The following NCOR2 variants were observed in gnomAD, a reference collection of about 807,000 sequenced individuals.
NCOR2 encodes nuclear receptor corepressor 2, also known as CTG repeat protein 26.
NCOR2 carries 81 observed loss-of-function variants against 262.9 expected under a neutral mutation model. The observed-to-expected ratio is 0.31, with a 90% CI of 0.26 to 0.37. The LOEUF is 0.37. NCOR2 is among the 10% of genes least tolerant of loss of function. The pLI is 1.00. For missense variants in NCOR2, 3,385 were observed against 3,621.4 expected (o/e 0.93, Z 1.68); for synonymous variants, 1,659 against 1,559.3 (o/e 1.06, Z -1.51).
chr12:124,413,598 G>A (rs1307171467), intron 13 of NCOR2, among the ~76,000 whole-genome samples: 4 of 152,208 alleles, frequency 2.6e-5, no homozygotes, highest in South Asian at 2.1e-4. Context: ...CTGGAGCCAC[G>A]GGCACCGCGC....
intron 13 of NCOR2, among the ~76,000 whole-genome samples, chr12:124,417,630 C>T (rs972799733): frequency 2.0e-5 from 3 of 151,834 alleles, no homozygotes; most frequent in African/African-American, 4.9e-5. Flanking sequence ...CTCTTGAGGC[C>T]GTTAGCCACC....
chr12:124,369,154 A>T (rs73223595), intron 20 of NCOR2, among the ~76,000 whole-genome samples: 20,286 of 152,174 alleles, frequency 0.13, 1,531 homozygotes, highest in African/African-American at 0.18. Context: ...GGGACTCCCA[A>T]GGCCAGGCCC....
rs373202860 is a variant in NCOR2, at chr12:124,335,188, C to A, written c.6358G>T (p.Ala2120Ser). The A allele has an allele frequency of 6.8e-6, 11 of 1,611,396 alleles. No homozygotes were observed. The highest frequency in any genetic ancestry group is 6.7e-5 in the Admixed American group (4 of 59,986). The change falls in exon 40 of 47, where the codon GCC (alanine) becomes TCC (serine). Residue 2120 changes from alanine (A) to serine (S), a missense_variant. Ala to Ser is a moderately conservative substitution (Grantham distance 99). This residue lies in a region of NCOR2 where 1,017 missense variants were observed against 967.2 expected (regional missense o/e 1.05). Transcript: ENST00000405201. ...CGCTGGTGACCTTTGACCCCTGGGG[C>A]GGTCTGGAGCAGCGGGCTGGACGAG...
At chr12:124,387,980 A>G (rs1416767059) in intron 16 of NCOR2, among the ~76,000 whole-genome samples, 1 of 151,820 alleles carries the variant, frequency 6.6e-6, no homozygotes, top group African/African-American at 2.4e-5. Flanking sequence ...AACTCAGTCA[A>G]TAAATAAGGA....
At position 124,337,029 on chromosome 12, in the gene NCOR2, G is replaced by A. The variant is rs369817436; in HGVS notation, c.5839C>T (p.Arg1947Trp). 1.2e-4 allele frequency: 178 copies of A among 1,502,734 alleles called. No homozygotes were observed. The highest frequency in any genetic ancestry group is 3.0e-4 in the Admixed American group (13 of 42,908). 93.1% of individuals were successfully genotyped at this position (1,502,734 alleles called of 1,614,324 possible). A position where few individuals can be genotyped will look rare whatever the true frequency, so the allele number is the denominator to read the frequency against. ...GCATGGCCGGTGTCTGCTCGGGGCC[G>A]CTCTGGCCGGGCGACCCGGGGGGCC... Residue 1947 changes from arginine (R) to tryptophan (W), a missense_variant, in exon 38 of 47, where the codon CGG becomes TGG. Coordinates refer to ENST00000405201, the Ensembl canonical transcript of NCOR2.
At chr12:124,545,789 C>CAGGGTG (rs796413093) in intron 1 of NCOR2, among the ~76,000 whole-genome samples, 29 of 148,768 alleles carry the variant, frequency 1.9e-4, no homozygotes, top group African/African-American at 7.0e-4. Context: ...CTTCTGTGGT[C>CAGGGTG]AGGGTGAGGG....
intron 41 of NCOR2, 103 bp downstream of exon 43, chr12:124,334,321 C>A (rs1207327043): frequency 3.8e-6 from 3 of 785,740 alleles, no homozygotes; most frequent in Non-Finnish European, 5.9e-6. Flanking sequence ...TGGCACCAGG[C>A]GGGCCTCATA....
intron 4 of NCOR2, 54 bp downstream of exon 6, chr12:124,472,898 C>T: frequency 1.9e-6 from 3 of 1,605,222 alleles, no homozygotes; most frequent in South Asian, 1.1e-5. Context: ...GCTGTCACTG[C>T]TGCTAGAATG....
intron 1 of NCOR2, among the ~76,000 whole-genome samples, chr12:124,518,827 C>A (rs1215567655): frequency 6.6e-6 from 1 of 152,184 alleles, no homozygotes; most frequent in Non-Finnish European, 1.5e-5. Flanking sequence ...CCGGACTGTC[C>A]AGCTTCGAGC....
chr12:124,332,191 G>A, intron 43 of NCOR2, 128 bp downstream of exon 45: 2 of 1,192,890 alleles, frequency 1.7e-6, no homozygotes, highest in East Asian at 4.9e-5. Context: ...GGGGGAGGTG[G>A]TCAGCAGGGC....
Position 124,502,481 on chromosome 12 carries a change from G to GCGTT in NCOR2, c.-117-7114_-117-7113insAACG, listed in dbSNP as rs565519359. On this transcript the variant is annotated intron_variant, in intron 1 of 46. Transcript: ENST00000404621. The stretch of plus-strand genomic sequence containing the variant: ...ATTTTGAAAGTGGGCAGTCAGGGGT[G>GCGTT]CGTCACCAGAGGTGCCTTTTATGCA... Among the ~76,000 whole-genome samples the GCGTT allele has an allele frequency of 1.4e-3, 210 of 152,322 alleles. 1 individual carries two copies. The highest frequency in any genetic ancestry group is 4.9e-3 in the African/African-American group (202 of 41,562).
chr12:124,348,005 C>T, intron 29 of NCOR2, 94 bp from the exon 32 acceptor site: 12 of 1,463,536 alleles, frequency 8.2e-6, no homozygotes, highest in Non-Finnish European at 9.3e-6. Context: ...CAGTGGTCAT[C>T]CCCACGATGA....
intron 1 of NCOR2, among the ~76,000 whole-genome samples, chr12:124,521,488 G>T (rs530927998): frequency 3.6e-4 from 55 of 152,330 alleles, no homozygotes; most frequent in Middle Eastern, 3.4e-3. Context: ...CAAACACATT[G>T]TGCGGAGTGA....
At chr12:124,496,339 C>G (rs1057151871), upstream of NCOR2, among the ~76,000 whole-genome samples, 1 of 152,010 alleles carries the variant, frequency 6.6e-6, no homozygotes, top group East Asian at 1.9e-4. This position sits in a 1 kb window ranked among gnomAD's most constrained non-coding sequence, Gnocchi z 4.4. Flanking sequence ...TCCACACTCT[C>G]CCTGAACCAG....
At chr12:124,405,412 T>C (rs2042223603) in intron 13 of NCOR2, among the ~76,000 whole-genome samples, 1 of 152,186 alleles carries the variant, frequency 6.6e-6, no homozygotes, top group African/African-American at 2.4e-5. Flanking sequence ...CAACACCCAC[T>C]AGCACAGCAC....
Position 124,504,889 on chromosome 12 carries a change from T to C in NCOR2, c.-117-9521A>G, listed in dbSNP as rs2048961062. 1.3e-5 allele frequency among the ~76,000 whole-genome samples: 2 copies of C among 151,154 alleles called. No homozygotes were observed. The highest frequency in any genetic ancestry group is 2.9e-5 in the Non-Finnish European group (2 of 67,842). On this transcript the variant is annotated intron_variant, in intron 1 of 46. Coordinates refer to the NCOR2 transcript ENST00000404621. The surrounding 1 kb of genome is among the most constrained non-coding windows in gnomAD (Gnocchi z 4.5). ...GTTGTGGGGAGGGAGGAGAGGGGAG[T>C]GACGGTTTAATGGGTTTGGGGTTTC...
Position 124,503,694 on chromosome 12 carries a change from G to GGATA in NCOR2, c.-117-8327_-117-8326insTATC, listed in dbSNP as rs1206544120. ...TGAATGGATGGATGGATGGATGGAT[G>GGATA]GATGGATGGATGGATGGACAGACGA... On this transcript the variant is annotated intron_variant, in intron 1 of 46. Transcript: ENST00000404621. This position sits in a 1 kb window ranked among gnomAD's most constrained non-coding sequence, Gnocchi z 4.3. Among the ~76,000 whole-genome samples the GGATA allele has an allele frequency of 4.0e-5, 6 of 150,992 alleles. No homozygotes were observed. Among genetic ancestry groups the GGATA allele is most frequent in the Non-Finnish European group, 8.9e-5 (6 of 67,688 alleles).
In NCOR2 at chr12:124,339,857, C is replaced by T; in HGVS notation, c.5687+149G>A. ...AACCCGACCACCCACCCATCCACTA[C>T]TCACACATAGTCTATTCTTCTACCC... On this transcript the variant is annotated intron_variant, in intron 37 of 46. Coordinates refer to ENST00000405201, the Ensembl canonical transcript of NCOR2. The T allele has an allele frequency of 2.8e-6, 3 of 1,067,722 alleles. No homozygotes were observed. In the South Asian group the frequency reaches 4.7e-5, roughly 17 times the overall value. The allele number at this position is 1,067,722 out of a possible 1,614,324, so 66.1% of individuals were successfully genotyped here. A position where few individuals can be genotyped will look rare whatever the true frequency, so the allele number is the denominator to read the frequency against.
intron 9 of NCOR2, 66 bp downstream of exon 11, chr12:124,430,549 T>C: frequency 6.5e-7 from 1 of 1,540,058 alleles, no homozygotes. Flanking sequence ...AGGCCATCTC[T>C]ACTGAGGATG....
Sources: gnomAD v4.1 joint callset for allele counts (sites outside exome capture counted in the v4.1 genomes callset) on GRCh38, gnomAD v4.1.1 for gene constraint, gnomAD v4.1.1 regional missense constraint, Gnocchi (gnomAD v3.1) non-coding constraint, MANE v1.5 for transcripts, NCBI Gene and HGNC (gene_info 2026-07-23, HGNC 2026-07-21) for gene names.